Variants in PRSS23 observed in about 807,000 individuals in gnomAD.
PRSS23 encodes serine protease 23.
PRSS23 carries 25 observed loss-of-function variants against 34.7 expected under a neutral mutation model. The ratio of observed to expected loss-of-function variants is 0.72; its 90% CI spans 0.53 to 1.01. The LOEUF is 1.01. Ranked by LOEUF, PRSS23 falls within the 50% of genes least tolerant of loss-of-function variation. The pLI is 0.00. For missense variants in PRSS23, 445 were observed against 475.6 expected (o/e 0.94, Z 0.60); for synonymous variants, 176 against 186.6 (o/e 0.94, Z 0.46).
chr11:86,903,366 A>G (rs1291440471), intron 2 of PRSS23, among the ~76,000 whole-genome samples: 1 of 152,134 alleles, frequency 6.6e-6, no homozygotes, highest in East Asian at 1.9e-4. Context: ...TTCATACCCC[A>G]CTAGCGATGT....
chr11:86,943,412 G>A (rs539661899), intron 2 of PRSS23, among the ~76,000 whole-genome samples: 113 of 152,236 alleles, frequency 7.4e-4, no homozygotes, highest in Non-Finnish European at 1.3e-3. Context: ...ATCGCCTGAG[G>A]TCAGGAGTTC....
At chr11:86,936,032 A>G (rs541984499) in intron 2 of PRSS23, 1 of 152,298 alleles carries the variant, frequency 6.6e-6, no homozygotes, top group South Asian at 2.1e-4. Context: ...GCCAGCCACA[A>G]TTCAGTTTGC....
chr11:86,846,872 C>T (rs1948490206), intron 2 of PRSS23, among the ~76,000 whole-genome samples: 1 of 152,146 alleles, frequency 6.6e-6, no homozygotes, highest in Non-Finnish European at 1.5e-5. Flanking sequence ...TGTAGTCCCC[C>T]ACATCAGGAT....
intron 2 of PRSS23, among the ~76,000 whole-genome samples, chr11:86,845,200 A>G (rs1948477839): frequency 6.6e-6 from 1 of 152,118 alleles, no homozygotes; most frequent in Admixed American, 6.6e-5. Flanking sequence ...TACTTTTGCT[A>G]TCTCCTGTGT....
rs576763627 is a variant in PRSS23 at position 86,854,004 on chromosome 11, A to G, written c.206+30411A>G. On this transcript the variant is annotated intron_variant, in intron 2 of 2. Transcript: ENST00000533902. The stretch of plus-strand genomic sequence containing the variant: ...TTATATGCTTATTGGCCATTGCTAT[A>G]TCTTCTTTTTTTTTGAGTCGCAGTC... Among the ~76,000 whole-genome samples the G allele has an allele frequency of 4.6e-4, 70 of 151,992 alleles. 1 individual carries two copies. In the South Asian group the frequency reaches 7.5e-3, roughly 16 times the overall value.
At chr11:86,871,887 C>T (rs1033166464) in intron 2 of PRSS23, among the ~76,000 whole-genome samples, 2 of 152,342 alleles carry the variant, frequency 1.3e-5, no homozygotes, top group South Asian at 2.1e-4. Flanking sequence ...GATAGCAAAG[C>T]TTGCTATATT....
chr11:86,885,053 GA>G (rs1948793627), intron 2 of PRSS23, among the ~76,000 whole-genome samples: 1 of 152,156 alleles, frequency 6.6e-6, no homozygotes, highest in Non-Finnish European at 1.5e-5. Flanking sequence ...ACAGCTTCTT[GA>G]AGACAGGACA....
chr11:86,860,922 C>T (rs961373213), intron 2 of PRSS23, among the ~76,000 whole-genome samples: 4 of 151,542 alleles, frequency 2.6e-5, no homozygotes, highest in Non-Finnish European at 5.9e-5. Flanking sequence ...TCTTAATATC[C>T]GTGGGGTGAG....
intron 2 of PRSS23, chr11:86,857,522 A>C (rs1411414856): frequency 2.2e-6 from 1 of 461,246 alleles, no homozygotes; most frequent in Non-Finnish European, 4.4e-6. Context: ...GTGTAACACA[A>C]TCCAGCTGTG....
intron 2 of PRSS23, among the ~76,000 whole-genome samples, chr11:86,828,647 C>A (rs1948323922): frequency 6.6e-6 from 1 of 152,044 alleles, no homozygotes; most frequent in African/African-American, 2.4e-5. Context: ...TGTGCCTTTC[C>A]ATGTTTAGTG....
intron 2 of PRSS23, among the ~76,000 whole-genome samples, chr11:86,943,068 T>C (rs1949216828): frequency 6.6e-6 from 1 of 152,164 alleles, no homozygotes. Flanking sequence ...AACCCTTGGG[T>C]CACATTCCAG....
chr11:86,879,380 C>T lies in PRSS23; in HGVS notation c.206+55787C>T, dbSNP rs1234315343. 2.8e-4 allele frequency among the ~76,000 whole-genome samples: 40 copies of T among 141,498 alleles called. 1 individual carries two copies. The East Asian group carries it at 6.8e-3, about 24-fold the overall frequency. 92.8% of individuals were successfully genotyped at this position (141,498 alleles called of 152,430 possible). A position where few individuals can be genotyped will look rare whatever the true frequency, so the allele number is the denominator to read the frequency against. ...CCATATGAGAAGTGAGGAGCCCCTC[C>T]GCCCGGCAGCCACCCCGTCTGGGAA... On this transcript the variant is annotated intron_variant, in intron 2 of 2. Coordinates refer to the PRSS23 transcript ENST00000533902.
intron 2 of PRSS23, among the ~76,000 whole-genome samples, chr11:86,849,739 TA>T (rs1300444252): frequency 1.3e-5 from 2 of 152,182 alleles, no homozygotes; most frequent in Non-Finnish European, 2.9e-5. Context: ...CTGCTGTACC[TA>T]ACCCCTATAT....
At chr11:86,842,022 GA>G in intron 2 of PRSS23, among the ~76,000 whole-genome samples, 1 of 152,092 alleles carries the variant, frequency 6.6e-6, no homozygotes, top group East Asian at 1.9e-4. Flanking sequence ...ACATCAATGA[GA>G]AAATCCTCAG....
intron 2 of PRSS23, among the ~76,000 whole-genome samples, chr11:86,899,970 C>G (rs1056748163): frequency 2.6e-5 from 4 of 151,044 alleles, no homozygotes; most frequent in African/African-American, 4.9e-5. Flanking sequence ...AAAAAAAATC[C>G]AAAGGCAAAT....
chr11:86,856,831 C>T (rs1169567861), intron 2 of PRSS23, among the ~76,000 whole-genome samples: 7 of 152,008 alleles, frequency 4.6e-5, no homozygotes, highest in African/African-American at 7.2e-5. Context: ...TAAAGGAGGC[C>T]GCCCAGATAT....
chr11:86,858,409 G>A (rs950813595), intron 2 of PRSS23, among the ~76,000 whole-genome samples: 1 of 151,702 alleles, frequency 6.6e-6, no homozygotes, highest in African/African-American at 2.4e-5. Context: ...TCCCAATACC[G>A]ATGGGGGTGC....
chr11:86,849,334 C>T (rs1948512320), intron 2 of PRSS23, among the ~76,000 whole-genome samples: 1 of 152,168 alleles, frequency 6.6e-6, no homozygotes. Context: ...CCAAAAGTCC[C>T]ACACCCTTAT....
At chr11:86,827,538 T>C (rs1441075246) in intron 2 of PRSS23, among the ~76,000 whole-genome samples, 1 of 152,234 alleles carries the variant, frequency 6.6e-6, no homozygotes, top group Non-Finnish European at 1.5e-5. Flanking sequence ...TCTGCTAGCT[T>C]TTGAATGTGT....
Sources: gnomAD v4.1 joint callset for allele counts (sites outside exome capture counted in the v4.1 genomes callset) on GRCh38, gnomAD v4.1.1 for gene constraint, MANE v1.5 for transcripts, NCBI Gene and HGNC (gene_info 2026-07-23, HGNC 2026-07-21) for gene names.